Variants in ZFP3 observed in about 807,000 individuals in gnomAD.
ZFP3 encodes the protein zinc finger protein 3 homolog.
ZFP3 carries 18 observed loss-of-function variants against 36.7 expected under a neutral mutation model. The observed-to-expected ratio is 0.49, with a 90% confidence interval of 0.34 to 0.73. The LOEUF (loss-of-function observed/expected upper bound fraction) is 0.73. Among genes scored for constraint, ZFP3 ranks in the 30% least tolerant of loss-of-function variants. ZFP3 has a pLI of 0.01. For missense variants in ZFP3, 495 were observed against 599.0 expected, an observed-to-expected ratio of 0.83 and a Z score of 1.81; for synonymous variants, 218 against 199.0, an observed-to-expected ratio of 1.10 and a Z score of -0.81.
rs963795027 is a variant in ZFP3 at position 5,095,316 on chromosome 17, T to G, written c.*2303T>G. The G allele has an allele frequency of 1.8e-5, 3 of 167,054 alleles. No individual in the cohort carries two copies. 10.3% of individuals were successfully genotyped at this position (167,054 alleles called of 1,614,324 possible). A position where few individuals can be genotyped will look rare whatever the true frequency, so the allele number is the denominator to read the frequency against. On this transcript the variant is annotated 3_prime_UTR_variant, in exon 2 of 2. Coordinates refer to ENST00000318833, the MANE Select transcript of ZFP3 (RefSeq NM_153018.3). ...GCAGTCACACTCTTAGTAAGGGAAG[T>G]TGTTTGATTTACTTCTTCCCTTAGG...
chr17:5,095,643 A>G lies in ZFP3; in HGVS notation c.*2630A>G, dbSNP rs1048408888. On this transcript the variant is annotated 3_prime_UTR_variant, in exon 2 of 2. Coordinates refer to ENST00000318833, the MANE Select transcript of ZFP3 (RefSeq NM_153018.3). The stretch of plus-strand genomic sequence containing the variant: ...GAGTTCACATTGTGCATCCTATTAG[A>G]CATTTTGTTCTCAGAAGTACCTTAC... The G allele has an allele frequency of 1.8e-5, 3 of 166,660 alleles. No homozygotes were observed. Among genetic ancestry groups the G allele is most frequent in the Non-Finnish European group, 4.4e-5 (3 of 68,068 alleles). The allele number at this position is 166,660 out of a possible 1,614,324, so 10.3% of individuals were successfully genotyped here.
rs369205257 is a variant in ZFP3 at position 5,092,254 on chromosome 17, G to T, written c.750G>T (p.Glu250Asp). ...LILHQRIHTG[E>D]KPYECNECGK... ...TACACCAGAGAATCCATACTGGAGA[G>T]AAACCATATGAATGTAATGAATGTG... Residue 250 changes from glutamate to aspartate, a missense_variant, in exon 2 of 2, where the codon GAG becomes GAT. Transcript: ENST00000318833. This position sits in a 1 kb window ranked among gnomAD's most constrained non-coding sequence, Gnocchi z 5.0. 3.1e-6 allele frequency: 5 copies of T among 1,614,038 alleles called. No individual in the cohort carries two copies. In the African/African-American group the frequency reaches 6.7e-5, roughly 22 times the overall value.
chr17:5,079,752 G>T (rs1263789898), intron 1 of ZFP3, among the ~76,000 whole-genome samples: 1 of 151,608 alleles, frequency 6.6e-6, no homozygotes, highest in Admixed American at 6.6e-5. Flanking sequence ...GAAAATGGAG[G>T]GGGTCAGCTG....
rs775176179 is a variant in ZFP3, at chr17:5,092,800, T to C, written c.1296T>C (p.Asp432=). 8.1e-6 allele frequency: 13 copies of C among 1,614,046 alleles called. No homozygotes were observed. In the Admixed American group the frequency reaches 2.0e-4, roughly 25 times the overall value. The change falls in exon 2 of 2, where the codon GAT becomes GAC. Residue 432 remains aspartate, a synonymous_variant. Transcript: ENST00000318833. This position sits in a 1 kb window ranked among gnomAD's most constrained non-coding sequence, Gnocchi z 5.0. ...ATGAGTGTGCAAGAACCTTTTGGGATAATTCTGAGCTGCTTCTCCACCAGA... is the reference window on the plus strand; with the variant it reads ...ATGAGTGTGCAAGAACCTTTTGGGACAATTCTGAGCTGCTTCTCCACCAGA... The part of the protein sequence containing the change: ...QCNECARTFW[D]NSELLLHQKI...
At chr17:5,081,638 A>G (rs1031292224) in intron 1 of ZFP3, among the ~76,000 whole-genome samples, 5 of 150,270 alleles carry the variant, frequency 3.3e-5, no homozygotes, top group East Asian at 2.1e-4. Flanking sequence ...GTCTCGCTCT[A>G]TCACCCAGGC....
chr17:5,083,907 C>T (rs999571437), intron 1 of ZFP3, among the ~76,000 whole-genome samples: 4 of 150,910 alleles, frequency 2.7e-5, no homozygotes, highest in South Asian at 2.1e-4. Flanking sequence ...GGCTCTGTCG[C>T]CCAGGCTGGA....
At chr17:5,082,144 G>A (rs112362951) in intron 1 of ZFP3, among the ~76,000 whole-genome samples, 1 of 151,554 alleles carries the variant, frequency 6.6e-6, no homozygotes, top group Non-Finnish European at 1.5e-5. Flanking sequence ...TCAGGAGATC[G>A]AGACCATCCT....
intron 1 of ZFP3, among the ~76,000 whole-genome samples, chr17:5,086,201 A>T (rs2072120046): frequency 6.6e-6 from 1 of 152,146 alleles, no homozygotes; most frequent in Non-Finnish European, 1.5e-5. Flanking sequence ...AGCTTCTAAG[A>T]CTTCAGGATT....
chr17:5,092,320 G>A lies in ZFP3; in HGVS notation c.816G>A (p.Gln272=). Residue 272 remains glutamine (Q), a synonymous_variant, in exon 2 of 2, where the codon CAG becomes CAA. Coordinates refer to ENST00000318833, the MANE Select transcript of ZFP3 (RefSeq NM_153018.3). The surrounding 1 kb of genome is among the most constrained non-coding windows in gnomAD (Gnocchi z 5.0). ...TTAGTTCACAGCTTATTCAGCATCAGAGAATTCATACTGAAGAAAGATACC... is the reference window on the plus strand; with the variant it reads ...TTAGTTCACAGCTTATTCAGCATCAAAGAATTCATACTGAAGAAAGATACC... ...FRVSSQLIQH[Q]RIHTEERYHE... is the part of the protein sequence containing the mutation. 6.2e-7 allele frequency: 1 copy of A among 1,614,124 alleles called. No homozygotes were observed. The highest frequency in any genetic ancestry group is 2.2e-5 in the East Asian group (1 of 44,884).
At chr17:5,091,359 T>A in intron 1 of ZFP3, 138 bp from the exon 2 acceptor site, 1 of 906,100 alleles carries the variant, frequency 1.1e-6, no homozygotes, top group African/African-American at 1.7e-5. Flanking sequence ...GCAATCCTCC[T>A]GCCTCAGCTG....
At position 5,093,093 on chromosome 17, in the gene ZFP3, C is replaced by T; in HGVS notation, c.*80C>T. ...GTTCATAATATGCAAATATGCACCC[C>T]AAGTATTCAAATCCAATGAATGGAC... On this transcript the variant is annotated 3_prime_UTR_variant, in exon 2 of 2. Coordinates refer to ENST00000318833, the MANE Select transcript of ZFP3 (RefSeq NM_153018.3). 3 of 1,392,360 alleles carry T rather than the reference C, an allele frequency of 2.2e-6. No individual in the cohort carries two copies. Among genetic ancestry groups the T allele is most frequent in the African/African-American group, 2.9e-5 (2 of 68,884 alleles). The allele number at this position is 1,392,360 out of a possible 1,614,324, so 86.3% of individuals were successfully genotyped here.
chr17:5,085,379 T>G (rs2072115580), intron 1 of ZFP3, among the ~76,000 whole-genome samples: 1 of 151,566 alleles, frequency 6.6e-6, no homozygotes. Flanking sequence ...GTTTTGTTTT[T>G]TTTTTTTGAG....
Position 5,086,729 on chromosome 17 carries a change from T to C in ZFP3, c.-8-4768T>C, listed in dbSNP as rs1046397237. On this transcript the variant is annotated intron_variant, in intron 1 of 1. Transcript: ENST00000318833. ...TCTCAGTACACATTTTCTTTCTTTT[T>C]TTTTTTTTTTTTTTTTGAGACGGAG... Among the ~76,000 whole-genome samples, 169 of 144,724 alleles carry C rather than the reference T, an allele frequency of 1.2e-3. 2 individuals carry two copies. The highest frequency in any genetic ancestry group is 4.0e-3 in the African/African-American group (156 of 39,230). 94.9% of individuals were successfully genotyped at this position (144,724 alleles called of 152,430 possible).
intron 1 of ZFP3, among the ~76,000 whole-genome samples, chr17:5,090,894 C>G (rs747845629): frequency 2.0e-4 from 31 of 152,072 alleles, no homozygotes; most frequent in Non-Finnish European, 3.1e-4. Context: ...GTCTTGAACT[C>G]CTGAGCTCAA....
chr17:5,091,653 A>G lies in ZFP3; in HGVS notation c.149A>G (p.His50Arg). Residue 50 changes from histidine to arginine, a missense_variant, in exon 2 of 2, where the codon CAT becomes CGT. By Grantham distance (29) the His-to-Arg change is conservative. Around this residue, in one of 3 missense-constraint regions of ZFP3, gnomAD observed 229 missense variants for 233.8 expected, o/e 0.98. Transcript: ENST00000318833. ...TGTGAAGAAGACATGTTGGAGGGAC[A>G]TTCGAGAGAGTCCATGGAAGAGGTT... ...AGCEEDMLEGHSRESMEEVIE... is the reference protein window; with the variant it reads ...AGCEEDMLEGRSRESMEEVIE... 6.2e-7 allele frequency: 1 copy of G among 1,614,238 alleles called. No individual in the cohort carries two copies. Among genetic ancestry groups the G allele is most frequent in the South Asian group, 1.1e-5 (1 of 91,088 alleles).
chr17:5,088,650 G>A (rs928504850), intron 1 of ZFP3, among the ~76,000 whole-genome samples: 18 of 151,852 alleles, frequency 1.2e-4, no homozygotes, highest in African/African-American at 4.1e-4. Flanking sequence ...GGGTTTCACC[G>A]TGTTAGCCAA....
intron 1 of ZFP3, among the ~76,000 whole-genome samples, chr17:5,089,295 G>A (rs576776124): frequency 6.6e-6 from 1 of 152,268 alleles, no homozygotes; most frequent in African/African-American, 2.4e-5. Context: ...CCAGTCCTAG[G>A]CTATGCCAGT....
Position 5,095,748 on chromosome 17 carries a change from A to G in ZFP3, c.*2735A>G, listed in dbSNP as rs1336489346. 2 of 165,660 alleles carry G rather than the reference A, an allele frequency of 1.2e-5. No individual in the cohort carries two copies. The highest frequency in any genetic ancestry group is 2.9e-5 in the Non-Finnish European group (2 of 67,898). 10.3% of individuals were successfully genotyped at this position (165,660 alleles called of 1,614,324 possible). On this transcript the variant is annotated 3_prime_UTR_variant, in exon 2 of 2. Transcript: ENST00000318833. ...CTCAACTTCTTTTTGCCTACTAGAT[A>G]TCCAATCCATCACCTCGCCTCCCCT...
chr17:5,091,514 G>A lies in ZFP3; in HGVS notation c.10G>A (p.Glu4Lys). The A allele has an allele frequency of 6.2e-7, 1 of 1,613,814 alleles. No homozygotes were observed. The highest frequency in any genetic ancestry group is 8.5e-7 in the Non-Finnish European group (1 of 1,179,828). ...CATTTCAGATTGTGAGATGGGGACT[G>A]AGAACAAGGAGGTGATTCCCAAGGA... MGT[E>K]NKEVIPKEEI... The change falls in exon 2 of 2, where the codon GAG (glutamate) becomes AAG (lysine). Residue 4 changes from glutamate (E) to lysine (K), a missense_variant. Physicochemically the swap from Glu to Lys is moderately conservative, Grantham distance 56. This residue lies in a region of ZFP3 where 229 missense variants were observed against 233.8 expected (regional missense o/e 0.98). Coordinates refer to ENST00000318833, the MANE Select transcript of ZFP3 (RefSeq NM_153018.3).
Sources: gnomAD v4.1 joint callset for allele counts (sites outside exome capture counted in the v4.1 genomes callset) on GRCh38, gnomAD v4.1.1 for gene constraint, gnomAD v4.1.1 regional missense constraint, Gnocchi (gnomAD v3.1) non-coding constraint, MANE v1.5 for transcripts, NCBI Gene and HGNC (gene_info 2026-07-23, HGNC 2026-07-21) for gene names.